The following NELL2 variants were observed in gnomAD, a reference collection of about 807,000 sequenced individuals.
NELL2 encodes the protein protein kinase C-binding protein NELL2.
A neutral mutation model predicts 109.6 loss-of-function variants in NELL2; 41 were observed. The observed-to-expected ratio is 0.37, with a 90% CI of 0.29 to 0.49. The LOEUF (loss-of-function observed/expected upper bound fraction) is 0.49, where lower values mean the gene tolerates loss of function less well. NELL2 is among the 20% of genes least tolerant of loss of function. NELL2 has a pLI of 0.98. For missense variants in NELL2, 900 were observed against 1,008.3 expected, an observed-to-expected ratio of 0.89 and a Z score of 1.45; for synonymous variants, 355 against 344.7, an observed-to-expected ratio of 1.03 and a Z score of -0.33.
intron 3 of NELL2, among the ~76,000 whole-genome samples, chr12:44,797,018 T>C (rs907413812): frequency 5.9e-5 from 9 of 152,106 alleles, no homozygotes; most frequent in African/African-American, 2.2e-4. Context: ...CATATATTTT[T>C]AAAACATCGA....
At chr12:44,705,679 A>T (rs1192269472) in intron 11 of NELL2, among the ~76,000 whole-genome samples, 1 of 151,360 alleles carries the variant, frequency 6.6e-6, no homozygotes, top group Non-Finnish European at 1.5e-5. Context: ...GCACAACATC[A>T]AACTAACTAA....
At chr12:44,913,568 AG>A (rs1333306798) in intron 1 of NELL2, among the ~76,000 whole-genome samples, 1 of 152,172 alleles carries the variant, frequency 6.6e-6, no homozygotes, top group African/African-American at 2.4e-5. Flanking sequence ...AGGTCAAGGT[AG>A]GATTCAGCAT....
intron 3 of NELL2, among the ~76,000 whole-genome samples, chr12:44,809,184 A>G (rs2136670011): frequency 6.6e-6 from 1 of 152,214 alleles, no homozygotes; most frequent in South Asian, 2.1e-4. Flanking sequence ...TTTATCCTGA[A>G]GAAACTGCAG....
intron 3 of NELL2, among the ~76,000 whole-genome samples, chr12:44,798,432 A>G (rs1044954125): frequency 2.6e-5 from 4 of 152,132 alleles, no homozygotes; most frequent in Non-Finnish European, 5.9e-5. Context: ...AAAATTTCAA[A>G]TAATGGCAAT....
chr12:44,590,036 T>C (rs1944686471), intron 15 of NELL2, among the ~76,000 whole-genome samples: 1 of 152,206 alleles, frequency 6.6e-6, no homozygotes, highest in Non-Finnish European at 1.5e-5. Context: ...TTTATTTTAC[T>C]GTATAATCAC....
chr12:44,664,566 G>A (rs1436623562), intron 13 of NELL2, among the ~76,000 whole-genome samples: 2 of 151,914 alleles, frequency 1.3e-5, no homozygotes, highest in African/African-American at 4.8e-5. Context: ...TTTTTACTAG[G>A]GAGGATTATG....
In NELL2 at chr12:44,806,152, T is replaced by A. The variant is rs535663146; in HGVS notation, c.335+9834A>T. On this transcript the variant is annotated intron_variant, in intron 3 of 19. Coordinates refer to ENST00000429094, the MANE Select transcript of NELL2 (RefSeq NM_001145108.2). ...AAAACTTAAAGGCAAATTAAAAATA[T>A]AGACGATAATGAATTAATATCCTTA... Among the ~76,000 whole-genome samples the A allele has an allele frequency of 2.6e-5, 4 of 151,928 alleles. No individual in the cohort carries two copies. In the East Asian group the frequency reaches 7.7e-4, roughly 29 times the overall value.
chr12:44,540,554 C>T (rs1478233354), intron 15 of NELL2, among the ~76,000 whole-genome samples: 1 of 152,054 alleles, frequency 6.6e-6, no homozygotes, highest in African/African-American at 2.4e-5. Context: ...TCAACCTACT[C>T]ATCTCCTCCC....
chr12:44,534,244 C>G (rs1400137432), intron 15 of NELL2, among the ~76,000 whole-genome samples: 2 of 152,056 alleles, frequency 1.3e-5, no homozygotes, highest in African/African-American at 4.8e-5. Flanking sequence ...AGCTATCACT[C>G]ATTTATTTCT....
At chr12:44,842,919 A>T (rs1944270431) in intron 2 of NELL2, among the ~76,000 whole-genome samples, 1 of 152,220 alleles carries the variant, frequency 6.6e-6, no homozygotes, top group South Asian at 2.1e-4. Flanking sequence ...ACCAGGAGCC[A>T]GCAGAAGCTA....
intron 2 of NELL2, among the ~76,000 whole-genome samples, chr12:44,843,359 AC>A (rs1944282743): frequency 6.6e-6 from 1 of 152,202 alleles, no homozygotes; most frequent in South Asian, 2.1e-4. Context: ...AGGAGATACC[AC>A]TATACACTGG....
chr12:44,569,541 T>A (rs1179985305), intron 15 of NELL2, among the ~76,000 whole-genome samples: 1 of 152,164 alleles, frequency 6.6e-6, no homozygotes, highest in Non-Finnish European at 1.5e-5. Flanking sequence ...ACTAAACTAA[T>A]CATTACCAAA....
At chr12:44,736,169 C>T (rs1180862265) in intron 9 of NELL2, among the ~76,000 whole-genome samples, 1 of 151,756 alleles carries the variant, frequency 6.6e-6, no homozygotes, top group African/African-American at 2.4e-5. Context: ...CGCCACCATG[C>T]CCGGCTAATT....
chr12:44,847,613 A>G (rs1406672247), intron 2 of NELL2, among the ~76,000 whole-genome samples: 1 of 150,538 alleles, frequency 6.6e-6, no homozygotes, highest in East Asian at 2.0e-4. Context: ...ACACCAAGGG[A>G]GCAGAAAAGA....
In NELL2 at chr12:44,763,735, T is replaced by C. The variant is rs77629569; in HGVS notation, c.994+11012A>G. The stretch of plus-strand genomic sequence containing the variant: ...AAGAATCAAGTGGTACAGAGCACAA[T>C]TCTACGAGGAAGGATTAATGGGAGA... On this transcript the variant is annotated intron_variant, in intron 9 of 19. Transcript: ENST00000429094. Among the ~76,000 whole-genome samples, 841 of 152,252 alleles carry C rather than the reference T, an allele frequency of 5.5e-3. 11 individuals carry two copies. Among genetic ancestry groups the C allele is most frequent in the East Asian group, 0.033 (169 of 5,180 alleles).
intron 13 of NELL2, among the ~76,000 whole-genome samples, chr12:44,639,550 T>C (rs1592251122): frequency 6.6e-6 from 1 of 151,912 alleles, no homozygotes; most frequent in African/African-American, 2.4e-5. Context: ...AGCAGTTCAA[T>C]CTAGAAATAT....
chr12:44,634,343 T>A (rs1485245365), intron 13 of NELL2, among the ~76,000 whole-genome samples: 7 of 139,650 alleles, frequency 5.0e-5, no homozygotes, highest in African/African-American at 1.1e-4. Context: ...CCATGACAGG[T>A]CCCAGTGTGT....
intron 12 of NELL2, among the ~76,000 whole-genome samples, chr12:44,687,771 C>A (rs1008399645): frequency 6.6e-6 from 1 of 152,170 alleles, no homozygotes; most frequent in African/African-American, 2.4e-5. Context: ...TGACCTTAAA[C>A]TTAATGAAGT....
rs144849707 is a variant in NELL2 at position 44,890,940 on chromosome 12, G to A, written c.39-15040C>T. Among the ~76,000 whole-genome samples, 240 of 152,212 alleles carry A rather than the reference G, an allele frequency of 1.6e-3. 2 individuals are homozygous for A. The highest frequency in any genetic ancestry group is 5.7e-3 in the African/African-American group (235 of 41,520). On this transcript the variant is annotated intron_variant, in intron 1 of 20. Transcript: ENST00000333837. The stretch of plus-strand genomic sequence containing the variant: ...AGACAGGGTTTCATCATGTTAGCAA[G>A]GCTGGTCTTGAACTCCTGACCTCAG...
Sources: allele counts gnomAD v4.1 joint callset (sites outside exome capture counted in the v4.1 genomes callset), GRCh38; gene constraint gnomAD v4.1.1; transcripts MANE v1.5; gene names NCBI Gene and HGNC (gene_info 2026-07-23, HGNC 2026-07-21).